USP30: variants seen among roughly 807,000 people sequenced by gnomAD.
USP30 encodes the protein ubiquitin specific peptidase 30.
In USP30, 41 loss-of-function variants were observed where a neutral mutation model predicts 68.2. That is an observed-to-expected ratio of 0.60 (90% CI 0.47 to 0.78). The LOEUF (loss-of-function observed/expected upper bound fraction) is 0.78, where lower values mean the gene tolerates loss of function less well. USP30 is among the 30% of genes least tolerant of loss of function. USP30 has a pLI of 0.00. For synonymous variants in USP30, 229 were observed against 253.7 expected, an observed-to-expected ratio of 0.90 and a Z score of 0.93; for missense variants, 522 against 649.4, an observed-to-expected ratio of 0.80 and a Z score of 2.13.
chr12:109,081,962 TCAC>T lies in USP30; in HGVS notation c.814_816del (p.His272del), dbSNP rs753339207. The stretch of plus-strand genomic sequence containing the variant: ...ACCCATTGACCCTGGACCACTGCCT[TCAC>T]CACTTCATCTCATCAGAATCAGTGC... On this transcript the variant is annotated inframe_deletion, in exon 9 of 13. Coordinates refer to ENST00000257548, the MANE Select transcript of USP30 (RefSeq NM_032663.5). 6.2e-7 allele frequency: 1 copy of T among 1,614,234 alleles called. No individual in the cohort carries two copies. Among genetic ancestry groups the T allele is most frequent in the East Asian group, 2.2e-5 (1 of 44,886 alleles).
chr12:109,050,921 C>A (rs377657690), upstream of USP30, among the ~76,000 whole-genome samples: 1 of 152,052 alleles, frequency 6.6e-6, no homozygotes, highest in Non-Finnish European at 1.5e-5. Context: ...GCAGGATAAT[C>A]GCTTGAACCT....
chr12:109,071,577 C>A, intron 4 of USP30, 35 bp from the exon 5 acceptor site: 1 of 1,596,236 alleles, frequency 6.3e-7, no homozygotes, highest in Non-Finnish European at 8.6e-7. Context: ...CTTGCCTCTT[C>A]CAACCTCTCT....
At chr12:109,073,215 A>G (rs899712951) in intron 6 of USP30, among the ~76,000 whole-genome samples, 7 of 152,230 alleles carry the variant, frequency 4.6e-5, no homozygotes, top group Non-Finnish European at 8.8e-5. Context: ...GGCTCTACCC[A>G]TTATACAGAA....
chr12:109,056,564 T>G, intron 1 of USP30, 118 bp from the exon 2 acceptor site: 2 of 638,956 alleles, frequency 3.1e-6, no homozygotes, highest in Non-Finnish European at 5.3e-6. Context: ...ATATGTTACT[T>G]TAACTTGCAA....
At chr12:109,034,020 G>A (rs879379878) in intron 3 of USP30, among the ~76,000 whole-genome samples, 1 of 152,136 alleles carries the variant, frequency 6.6e-6, no homozygotes, top group Admixed American at 6.5e-5. Flanking sequence ...CCAGAGGGCC[G>A]TAACATAAAC....
chr12:109,034,315 C>A (rs914848114), intron 3 of USP30, among the ~76,000 whole-genome samples: 1 of 152,062 alleles, frequency 6.6e-6, no homozygotes, highest in East Asian at 1.9e-4. Context: ...AATTTCATTC[C>A]ATTGCAGTTA....
At chr12:109,055,391 T>TAC (rs1380692472) in intron 1 of USP30, among the ~76,000 whole-genome samples, 25 of 61,278 alleles carry the variant, frequency 4.1e-4, no homozygotes, top group South Asian at 1.2e-3. Flanking sequence ...TATATATATA[T>TAC]ATATATATAT....
Position 109,067,509 on chromosome 12 carries a change from C to T in USP30, c.377-15C>T, listed in dbSNP as rs920927411. The T allele has an allele frequency of 3.1e-6, 5 of 1,610,066 alleles. No homozygotes were observed. Among genetic ancestry groups the T allele is most frequent in the African/African-American group, 1.3e-5 (1 of 74,866 alleles). On this transcript the variant is annotated splice_polypyrimidine_tract_variant and intron_variant, in intron 3 of 12. Coordinates refer to ENST00000257548, the MANE Select transcript of USP30 (RefSeq NM_032663.5). ...CTGATGAATTTAATAATTGTCTTAC[C>T]TTTTTTGTTTCCAGCCTTGTCCTGC...
intron 7 of USP30, among the ~76,000 whole-genome samples, chr12:109,076,833 G>T (rs931476315): frequency 4.0e-5 from 6 of 148,222 alleles, no homozygotes; most frequent in African/African-American, 1.5e-4. Context: ...CCAGGTTCAC[G>T]CCATTCTCCT....
intron 12 of USP30, among the ~76,000 whole-genome samples, chr12:109,085,459 C>T (rs184167112): frequency 7.9e-5 from 12 of 152,198 alleles, no homozygotes; most frequent in African/African-American, 2.2e-4. Context: ...TACAAACATC[C>T]ACATATACAC....
intron 7 of USP30, among the ~76,000 whole-genome samples, chr12:109,078,643 T>TAAA (rs981810558): frequency 8.5e-5 from 13 of 152,088 alleles, no homozygotes; most frequent in Non-Finnish European, 1.6e-4. Flanking sequence ...AATTAATTAA[T>TAAA]AGAAAAATAT....
chr12:109,028,954 T>C (rs996228696), intron 3 of USP30, among the ~76,000 whole-genome samples: 3 of 152,216 alleles, frequency 2.0e-5, no homozygotes, highest in Non-Finnish European at 2.9e-5. Flanking sequence ...ATTCAAACCA[T>C]ATCAAATGTC....
intron 3 of USP30, among the ~76,000 whole-genome samples, chr12:109,040,388 T>C (rs372678815): frequency 1.3e-5 from 2 of 152,366 alleles, no homozygotes; most frequent in Admixed American, 1.3e-4. Flanking sequence ...AGGTAGTTGG[T>C]ATAAAGTCCA....
intron 7 of USP30, among the ~76,000 whole-genome samples, chr12:109,076,732 CT>C (rs71079520): frequency 1.7e-4 from 21 of 124,714 alleles, no homozygotes; most frequent in Non-Finnish European, 2.1e-4. Context: ...TTGATTTTTT[CT>C]TTTTTTTTTT....
At position 109,029,311 on chromosome 12, in the gene USP30, C is replaced by T. The variant is rs185877318; in HGVS notation, c.-136+1755C>T. On this transcript the variant is annotated intron_variant, in intron 3 of 15. Transcript: ENST00000392784. ...AATAAACCTGAGAGGGGCTTCTGGCCGAGTTAGGTCAGAGGCACTCTCTCT... is the reference window on the plus strand; with the variant it reads ...AATAAACCTGAGAGGGGCTTCTGGCTGAGTTAGGTCAGAGGCACTCTCTCT... Among the ~76,000 whole-genome samples, 917 of 152,208 alleles carry T rather than the reference C, an allele frequency of 6.0e-3. 5 individuals carry two copies. The highest frequency in any genetic ancestry group is 9.8e-3 in the Non-Finnish European group (664 of 67,998).
chr12:109,026,641 T>C (rs1303988768), intron 2 of USP30, among the ~76,000 whole-genome samples: 1 of 151,286 alleles, frequency 6.6e-6, no homozygotes, highest in Non-Finnish European at 1.5e-5. Context: ...CTAATTTTTG[T>C]ATTTTTTCTG....
intron 3 of USP30, among the ~76,000 whole-genome samples, chr12:109,046,362 C>T (rs2040604813): frequency 6.6e-6 from 1 of 151,568 alleles, no homozygotes; most frequent in African/African-American, 2.4e-5. Context: ...ATCTGCCCAC[C>T]TCAGCCTCCC....
At position 109,057,922 on chromosome 12, in the gene USP30, T is replaced by A. The variant is rs774503821; in HGVS notation, c.194-4T>A. 104 of 1,609,394 alleles carry A rather than the reference T, an allele frequency of 6.5e-5. No individual in the cohort carries two copies. The highest frequency in any genetic ancestry group is 1.7e-4 in the Admixed American group (10 of 58,514). On this transcript the variant is annotated splice_region_variant and splice_polypyrimidine_tract_variant and intron_variant, in intron 2 of 12. Coordinates refer to ENST00000257548, the MANE Select transcript of USP30 (RefSeq NM_032663.5). ...TTCTCTTCTTCCCCCTGCTTTTTTTTTAGGGCTTGTGCCTGGCCTTGTTAA... is the reference window on the plus strand; with the variant it reads ...TTCTCTTCTTCCCCCTGCTTTTTTTATAGGGCTTGTGCCTGGCCTTGTTAA...
At chr12:109,058,451 A>G (rs1489203574) in intron 3 of USP30, among the ~76,000 whole-genome samples, 1 of 152,166 alleles carries the variant, frequency 6.6e-6, no homozygotes, top group Non-Finnish European at 1.5e-5. Context: ...ACATGCCTGT[A>G]ATCCCAGCTA....
Sources: allele counts gnomAD v4.1 joint callset (sites outside exome capture counted in the v4.1 genomes callset), GRCh38; gene constraint gnomAD v4.1.1; transcripts MANE v1.5; gene names NCBI Gene and HGNC (gene_info 2026-07-23, HGNC 2026-07-21).